PEX5: variants seen among roughly 807,000 people sequenced by gnomAD.
PEX5 encodes the protein peroxisomal biogenesis factor 5.
PEX5 carries 52 observed loss-of-function variants against 82.9 expected under a neutral mutation model. The ratio of observed to expected loss-of-function variants is 0.63; its 90% CI spans 0.50 to 0.79. PEX5 has a LOEUF of 0.79. PEX5 is among the 30% of genes least tolerant of loss of function. The pLI is 0.00. For missense variants in PEX5, 719 were observed against 815.2 expected (o/e 0.88, Z 1.44); for synonymous variants, 300 against 318.8 (o/e 0.94, Z 0.63).
At chr12:7,199,837 ACCCCCACC>A (rs1943448901) in intron 6 of PEX5, among the ~76,000 whole-genome samples, 1 of 121,850 alleles carries the variant, frequency 8.2e-6, no homozygotes, top group Non-Finnish European at 1.7e-5. Flanking sequence ...CGGGGGGCTG[ACCCCCACC>A]TCCCTCCCGG....
At chr12:7,202,834 T>C in intron 9 of PEX5, 130 bp downstream of exon 9, 1 of 773,212 alleles carries the variant, frequency 1.3e-6, no homozygotes, top group Non-Finnish European at 2.3e-6. Context: ...TCAGAGTTGC[T>C]TGGGGATGGG....
chr12:7,192,205 C>T (rs1383213934), intron 5 of PEX5, among the ~76,000 whole-genome samples: 2 of 152,148 alleles, frequency 1.3e-5, no homozygotes, highest in Admixed American at 6.5e-5. Flanking sequence ...GCTTTGAATG[C>T]ATTATCTACT....
chr12:7,214,622 C>T (rs1945724966), downstream of PEX5, among the ~76,000 whole-genome samples: 2 of 148,076 alleles, frequency 1.4e-5, no homozygotes, highest in African/African-American at 2.5e-5. Context: ...TGCTAAATGA[C>T]GAGTTAATGG....
intron 5 of PEX5, among the ~76,000 whole-genome samples, chr12:7,198,016 G>C (rs202031430): frequency 7.8e-6 from 1 of 128,804 alleles, no homozygotes. Context: ...GTTTCCTTGT[G>C]TTCTTTAGTG....
chr12:7,218,066 T>A (rs1208686884), intron 17 of PEX5, among the ~76,000 whole-genome samples: 1 of 151,840 alleles, frequency 6.6e-6, no homozygotes, highest in African/African-American at 2.4e-5. Flanking sequence ...GAATCAAGGG[T>A]GTGAAGAAAT....
Position 7,197,227 on chromosome 12 carries a change from T to TGTCATATATAATGTAATTATATA in PEX5, c.449-1777_449-1776insATAATGTAATTATATAGTCATAT, listed in dbSNP as rs1942710471. Among the ~76,000 whole-genome samples, 2 of 62,136 alleles carry TGTCATATATAATGTAATTATATA rather than the reference T, an allele frequency of 3.2e-5. 1 individual carries two copies. Among genetic ancestry groups the TGTCATATATAATGTAATTATATA allele is most frequent in the African/African-American group, 9.6e-5 (2 of 20,808 alleles). The allele number at this position is 62,136 out of a possible 152,430, so 40.8% of individuals were successfully genotyped here. A position where few individuals can be genotyped will look rare whatever the true frequency, so the allele number is the denominator to read the frequency against. On this transcript the variant is annotated intron_variant, in intron 5 of 15. Transcript: ENST00000675855. ...ATGTCATATATAATGTAATTATATA[T>TGTCATATATAATGTAATTATATA]GTCATATGTAATAATTATATGTCAT...
chr12:7,207,878 G>A (rs1277158099), intron 11 of PEX5, 76 bp downstream of exon 11: 2 of 1,569,748 alleles, frequency 1.3e-6, no homozygotes, highest in South Asian at 1.1e-5. Flanking sequence ...GGAGAGTAGT[G>A]CAGATGGGTT....
chr12:7,193,749 A>G (rs989328145), intron 5 of PEX5, among the ~76,000 whole-genome samples: 2 of 152,214 alleles, frequency 1.3e-5, no homozygotes, highest in Non-Finnish European at 2.9e-5. Context: ...TTTTTGCTGT[A>G]ATTACCTGAA....
At chr12:7,189,682 C>T (rs1940512115), upstream of PEX5, 3 of 359,674 alleles carry the variant, frequency 8.3e-6, no homozygotes, top group East Asian at 4.3e-5. Flanking sequence ...TGGCTCCCCG[C>T]CCCCTCTTCT....
At chr12:7,200,249 A>T (rs1943606877) in intron 6 of PEX5, among the ~76,000 whole-genome samples, 1 of 143,514 alleles carries the variant, frequency 7.0e-6, no homozygotes, top group South Asian at 2.3e-4. Flanking sequence ...CACATCCCAG[A>T]CGGGGCGGCG....
intron 6 of PEX5, 96 bp downstream of exon 6, chr12:7,199,209 C>A (rs868846238): frequency 7.1e-5 from 28 of 396,764 alleles, no homozygotes; most frequent in East Asian, 1.0e-4. Context: ...TTACTTTATT[C>A]TTTTTTTTTT....
In PEX5 at chr12:7,190,516, TC is replaced by T. The variant is rs1481542585; in HGVS notation, c.140del (p.Ser47LeufsTer10). The T allele has an allele frequency of 2.7e-6, 3 of 1,109,208 alleles. No individual in the cohort carries two copies. In the Admixed American group the frequency reaches 1.0e-4, roughly 37 times the overall value. 68.7% of individuals were successfully genotyped at this position (1,109,208 alleles called of 1,614,324 possible). A position where few individuals can be genotyped will look rare whatever the true frequency, so the allele number is the denominator to read the frequency against. On this transcript the variant is annotated frameshift_variant, in exon 2 of 16. Transcript: ENST00000675855. LOFTEE classifies it high-confidence loss of function. ...CCCCTGGCCCCCCGGAGCCCCGGCC[TC>T]TGAGGCAGTGAGTGTTCTTGAGGTG... ...PGPWPPGAPA[S>X]EAASKPLGVA... is the part of the protein sequence containing the mutation.
At chr12:7,208,421 T>C in intron 12 of PEX5, 36 bp from the exon 13 acceptor site, 3 of 1,496,410 alleles carry the variant, frequency 2.0e-6, no homozygotes, top group Non-Finnish European at 2.8e-6. Context: ...TGTCAGTCAT[T>C]GCAGATATCA....
chr12:7,199,425 T>C (rs867879402), intron 6 of PEX5, among the ~76,000 whole-genome samples: 7 of 148,928 alleles, frequency 4.7e-5, no homozygotes, highest in South Asian at 2.2e-4. Flanking sequence ...CATGCTGCCT[T>C]CAAGCATCTG....
At position 7,191,554 on chromosome 12, in the gene PEX5, T is replaced by C. The variant is rs187839532; in HGVS notation, c.317-15T>C. 96 of 1,613,904 alleles carry C rather than the reference T, an allele frequency of 5.9e-5. No individual in the cohort carries two copies. The African/African-American group carries it at 1.1e-3, about 19-fold the overall frequency. ...GTATGTATTCTTTCTTAGTTTTCTCTCTCTCTCTTTTAAGCCCCTGGTGTG... is the reference window on the plus strand; with the variant it reads ...GTATGTATTCTTTCTTAGTTTTCTCCCTCTCTCTTTTAAGCCCCTGGTGTG... On this transcript the variant is annotated splice_polypyrimidine_tract_variant and intron_variant, in intron 4 of 15. Coordinates refer to ENST00000675855, the MANE Select transcript of PEX5 (RefSeq NM_001351132.2).
intron 6 of PEX5, among the ~76,000 whole-genome samples, chr12:7,201,330 C>T (rs76156276): frequency 0.13 from 2,172 of 16,570 alleles, 42 homozygotes; most frequent in African/African-American, 0.17. Flanking sequence ...TACATACACA[C>T]ATACACGTAT....
downstream of PEX5, among the ~76,000 whole-genome samples, chr12:7,212,168 TTGGTCAGGC>T (rs1945623818): frequency 6.6e-6 from 1 of 151,830 alleles, no homozygotes; most frequent in South Asian, 2.1e-4. Context: ...TTTCATCATG[TTGGTCAGGC>T]TGGTCTCGAA....
chr12:7,209,194 A>G, intron 14 of PEX5, 24 bp downstream of exon 14: 1 of 1,610,968 alleles, frequency 6.2e-7, no homozygotes, highest in Non-Finnish European at 8.5e-7. Context: ...AGGAATGGAA[A>G]TGGGACATGA....
intron 1 of PEX5, chr12:7,190,129 G>A: frequency 1.4e-6 from 2 of 1,481,312 alleles, no homozygotes; most frequent in South Asian, 2.6e-5. Context: ...TAGTCGCGGA[G>A]GCCTCTGCAG....
Sources: gnomAD v4.1 joint callset for allele counts (sites outside exome capture counted in the v4.1 genomes callset) on GRCh38, gnomAD v4.1.1 for gene constraint, MANE v1.5 for transcripts, NCBI Gene and HGNC (gene_info 2026-07-23, HGNC 2026-07-21) for gene names.